The following UXS1 variants were observed in gnomAD, a reference collection of about 807,000 sequenced individuals.
The protein encoded by UXS1 is UDP-glucuronate decarboxylase 1.
A neutral mutation model predicts 62.6 loss-of-function variants in UXS1; 33 were observed. The ratio of observed to expected loss-of-function variants is 0.53; its 90% CI spans 0.40 to 0.70. The LOEUF is 0.70. Ranked by LOEUF, UXS1 falls within the 30% of genes least tolerant of loss-of-function variation. The pLI is 0.00. For synonymous variants in UXS1, 213 were observed against 206.8 expected (o/e 1.03, Z -0.26); for missense variants, 434 against 556.3 (o/e 0.78, Z 2.21).
At chr2:106,107,992 G>A (rs374612125) in intron 10 of UXS1, among the ~76,000 whole-genome samples, 45 of 152,356 alleles carry the variant, frequency 3.0e-4, no homozygotes, top group East Asian at 9.6e-4. Flanking sequence ...CGTGGATCCC[G>A]TGGGACGCCC....
At chr2:106,187,639 G>A (rs949255499) in intron 1 of UXS1, among the ~76,000 whole-genome samples, 1 of 151,862 alleles carries the variant, frequency 6.6e-6, no homozygotes, top group Non-Finnish European at 1.5e-5. Context: ...ACACTGACAG[G>A]AAAGAAAGGT....
intron 2 of UXS1, among the ~76,000 whole-genome samples, chr2:106,165,531 T>C (rs1683160162): frequency 6.6e-6 from 1 of 152,180 alleles, no homozygotes; most frequent in African/African-American, 2.4e-5. Context: ...CTATTTTTTT[T>C]TATTTGGTAA....
intron 1 of UXS1, among the ~76,000 whole-genome samples, chr2:106,181,481 G>C (rs564052205): frequency 6.6e-6 from 1 of 152,326 alleles, no homozygotes; most frequent in South Asian, 2.1e-4. Context: ...CACTTTGGGA[G>C]GTCAAGACGG....
intron 9 of UXS1, among the ~76,000 whole-genome samples, chr2:106,114,715 G>A (rs1678925172): frequency 6.6e-6 from 1 of 152,180 alleles, no homozygotes; most frequent in African/African-American, 2.4e-5. Context: ...AGGCTTGCTT[G>A]CTGTGGCTTT....
chr2:106,163,086 C>G (rs1217742849), intron 4 of UXS1, among the ~76,000 whole-genome samples: 3 of 152,166 alleles, frequency 2.0e-5, no homozygotes, highest in Non-Finnish European at 2.9e-5. Context: ...TGAGGCTCAG[C>G]GGCCTCGGGA....
At chr2:106,183,093 G>A (rs766182234) in intron 1 of UXS1, among the ~76,000 whole-genome samples, 97 of 152,068 alleles carry the variant, frequency 6.4e-4, no homozygotes, top group Non-Finnish European at 1.3e-3. Flanking sequence ...ATTATTCACA[G>A]CTAATGGCCA....
At chr2:106,193,739 G>A (rs1442557) in intron 1 of UXS1, among the ~76,000 whole-genome samples, 149,155 of 152,226 alleles carry the variant, frequency 0.98, 73,131 homozygotes, top group South Asian at 1. Context: ...CGACTTAACC[G>A]ACACCGCGGC....
intron 10 of UXS1, among the ~76,000 whole-genome samples, chr2:106,111,764 C>T (rs1678630651): frequency 1.3e-5 from 2 of 152,204 alleles, no homozygotes; most frequent in African/African-American, 4.8e-5. Context: ...TATAATTCTT[C>T]CCCCTGGAAT....
intron 10 of UXS1, among the ~76,000 whole-genome samples, chr2:106,105,126 A>G (rs1424124441): frequency 2.6e-5 from 4 of 152,198 alleles, no homozygotes; most frequent in Non-Finnish European, 5.9e-5. Context: ...ACGATGTGTC[A>G]GGCATCATGT....
intron 7 of UXS1, among the ~76,000 whole-genome samples, chr2:106,127,952 C>T (rs562732763): frequency 6.6e-6 from 1 of 152,132 alleles, no homozygotes; most frequent in Admixed American, 6.5e-5. Context: ...GTATCATCGA[C>T]GCTTGTGCCC....
intron 10 of UXS1, among the ~76,000 whole-genome samples, chr2:106,108,005 T>C (rs1047476711): frequency 4.6e-5 from 7 of 152,228 alleles, no homozygotes; most frequent in African/African-American, 1.7e-4. Context: ...GGACGCCCAC[T>C]GCATACCCCC....
intron 1 of UXS1, among the ~76,000 whole-genome samples, chr2:106,190,773 T>C (rs943007853): frequency 1.3e-5 from 2 of 148,618 alleles, no homozygotes; most frequent in South Asian, 2.1e-4. Context: ...ATGAAGTGCC[T>C]GCTTCTGGGG....
intron 1 of UXS1, among the ~76,000 whole-genome samples, chr2:106,193,104 A>G (rs1373562340): frequency 5.9e-5 from 9 of 151,992 alleles, no homozygotes; most frequent in Admixed American, 3.9e-4. Flanking sequence ...CACCTCCTGA[A>G]CAGCTGGGCT....
chr2:106,168,113 A>G (rs1683324816), intron 1 of UXS1, among the ~76,000 whole-genome samples: 1 of 152,214 alleles, frequency 6.6e-6, no homozygotes, highest in African/African-American at 2.4e-5. Flanking sequence ...GTGGGCTGAG[A>G]CCACACCATT....
intron 7 of UXS1, among the ~76,000 whole-genome samples, chr2:106,125,885 T>C (rs1485572505): frequency 6.6e-6 from 1 of 152,230 alleles, no homozygotes; most frequent in African/African-American, 2.4e-5. Flanking sequence ...GGCCAGTATT[T>C]TGTTGAATAC....
intron 1 of UXS1, among the ~76,000 whole-genome samples, chr2:106,190,140 T>C (rs897438711): frequency 6.6e-5 from 10 of 152,320 alleles, no homozygotes; most frequent in African/African-American, 2.4e-4. Context: ...GTTGGATCTG[T>C]CATACTACAT....
intron 6 of UXS1, among the ~76,000 whole-genome samples, chr2:106,131,054 G>A (rs879589574): frequency 1.1e-4 from 17 of 150,442 alleles, no homozygotes; most frequent in African/African-American, 2.9e-4. Context: ...TGCGCGCACC[G>A]TGCGCGAGCC....
At chr2:106,100,305 C>T (rs1261911384) in intron 12 of UXS1, among the ~76,000 whole-genome samples, 1 of 152,172 alleles carries the variant, frequency 6.6e-6, no homozygotes, top group Non-Finnish European at 1.5e-5. Flanking sequence ...CTACCATGAC[C>T]TTGGCTGATG....
intron 1 of UXS1, among the ~76,000 whole-genome samples, chr2:106,179,337 G>C (rs915442596): frequency 5.3e-5 from 8 of 151,730 alleles, no homozygotes; most frequent in Non-Finnish European, 7.4e-5. Flanking sequence ...CACTTCTCCT[G>C]CTCTCCGCTC....
Sources: gnomAD v4.1 joint callset for allele counts (sites outside exome capture counted in the v4.1 genomes callset) on GRCh38, gnomAD v4.1.1 for gene constraint, MANE v1.5 for transcripts, NCBI Gene and HGNC (gene_info 2026-07-23, HGNC 2026-07-21) for gene names.